The following GPHN variants were observed in gnomAD, a reference collection of about 807,000 sequenced individuals.
The protein encoded by GPHN is gephyrin.
GPHN carries 17 observed loss-of-function variants against 95.5 expected under a neutral mutation model. The observed-to-expected ratio is 0.18, with a 90% confidence interval of 0.12 to 0.27. The LOEUF is 0.27. Among genes scored for constraint, GPHN ranks in the 10% least tolerant of loss-of-function variants. The probability of loss-of-function intolerance (pLI) is 1.00; values close to 1 mark genes in which losing one functional copy is unlikely to be tolerated. For synonymous variants in GPHN, 320 were observed against 322.5 expected, an observed-to-expected ratio of 0.99 and a Z score of 0.08; for missense variants, 660 against 978.1, an observed-to-expected ratio of 0.67 and a Z score of 4.34.
chr14:66,963,420 G>A (rs2069096374), intron 8 of GPHN, among the ~76,000 whole-genome samples: 1 of 151,968 alleles, frequency 6.6e-6, no homozygotes, highest in Non-Finnish European at 1.5e-5. Context: ...TAAAATAGTA[G>A]CAAAACAGTT....
At chr14:67,436,692 C>T in the GPHN span, among the ~76,000 whole-genome samples, 2 of 152,210 alleles carry the variant, frequency 1.3e-5, no homozygotes, top group Admixed American at 6.5e-5. Context: ...GCCCAGAGAG[C>T]AGGTTCCCAG....
chr14:67,405,882 G>A, the GPHN span, among the ~76,000 whole-genome samples: 7 of 152,296 alleles, frequency 4.6e-5, no homozygotes, highest in African/African-American at 1.4e-4. Context: ...GCAGCCTCAC[G>A]AGAGACCCTG....
chr14:67,559,986 A>G, the GPHN span, among the ~76,000 whole-genome samples: 4 of 152,162 alleles, frequency 2.6e-5, no homozygotes, highest in Non-Finnish European at 5.9e-5. Flanking sequence ...AAGCCCACAC[A>G]GGCCAGTGTC....
At chr14:67,513,136 T>A in the GPHN span, among the ~76,000 whole-genome samples, 1 of 152,186 alleles carries the variant, frequency 6.6e-6, no homozygotes, top group South Asian at 2.1e-4. Flanking sequence ...CAATTTCCCA[T>A]CTTAAGGTCA....
chr14:66,758,728 C>G (rs1388757182), intron 2 of GPHN, among the ~76,000 whole-genome samples: 2 of 152,158 alleles, frequency 1.3e-5, no homozygotes, highest in South Asian at 4.1e-4. Context: ...CCAAAGAAAC[C>G]TCCGGGTTAT....
At chr14:67,332,084 C>A in the GPHN span, among the ~76,000 whole-genome samples, 1 of 152,168 alleles carries the variant, frequency 6.6e-6, no homozygotes, top group Non-Finnish European at 1.5e-5. Context: ...ACTTTTATAT[C>A]TGAGACATTT....
the GPHN span, among the ~76,000 whole-genome samples, chr14:67,720,344 C>G: frequency 6.6e-6 from 1 of 152,062 alleles, no homozygotes; most frequent in Non-Finnish European, 1.5e-5. Context: ...TTTATCTTGC[C>G]TTGTGTATGA....
intron 2 of GPHN, among the ~76,000 whole-genome samples, chr14:66,727,796 G>A (rs546259237): frequency 8.5e-5 from 13 of 152,278 alleles, no homozygotes; most frequent in Admixed American, 7.8e-4. Flanking sequence ...CTGACAATGC[G>A]ATAGAAAAGA....
chr14:67,233,293 C>T, the GPHN span, among the ~76,000 whole-genome samples: 2 of 152,116 alleles, frequency 1.3e-5, no homozygotes, highest in African/African-American at 4.8e-5. Context: ...AGGCATGTGC[C>T]ACCACGCCCG....
chr14:66,730,861 C>G (rs547583716), intron 2 of GPHN, among the ~76,000 whole-genome samples: 8 of 152,074 alleles, frequency 5.3e-5, no homozygotes, highest in Non-Finnish European at 1.2e-4. Flanking sequence ...GGCTCTGTGC[C>G]CCTACCTAAA....
the GPHN span, chr14:67,581,991 A>C: frequency 3.1e-5 from 44 of 1,398,758 alleles, no homozygotes; most frequent in Non-Finnish European, 4.3e-5. Context: ...TTGGAAATAA[A>C]GGTAACAGAC....
the GPHN span, among the ~76,000 whole-genome samples, chr14:67,356,983 T>C: frequency 2.0e-5 from 3 of 152,204 alleles, no homozygotes; most frequent in Non-Finnish European, 4.4e-5. Context: ...TAAAATTGAA[T>C]TTACCATGTT....
intron 1 of GPHN, among the ~76,000 whole-genome samples, chr14:66,586,779 A>G (rs564660300): frequency 4.6e-5 from 7 of 152,300 alleles, no homozygotes; most frequent in Admixed American, 2.6e-4. Context: ...GTTTATAGCA[A>G]TAAACACACA....
chr14:67,729,946 C>G, the GPHN span: 2 of 393,350 alleles, frequency 5.1e-6, no homozygotes, highest in Non-Finnish European at 1.0e-5. Context: ...AGAATCCAGC[C>G]CTGTCTGCTC....
chr14:67,008,818 A>ATTAC (rs2072786092), intron 9 of GPHN, among the ~76,000 whole-genome samples: 1 of 152,142 alleles, frequency 6.6e-6, no homozygotes, highest in African/African-American at 2.4e-5. Context: ...AAGTGCTGGG[A>ATTAC]TTACAGGTGT....
the GPHN span, among the ~76,000 whole-genome samples, chr14:67,295,899 T>C: frequency 6.6e-6 from 1 of 152,096 alleles, no homozygotes; most frequent in African/African-American, 2.4e-5. Flanking sequence ...ACAGAAAAGC[T>C]TAAAAACAGA....
the GPHN span, chr14:67,388,352 A>C: frequency 1.8e-6 from 2 of 1,132,510 alleles, no homozygotes; most frequent in Non-Finnish European, 2.7e-6. Flanking sequence ...AACAAAAGGG[A>C]AGAGTTGCAC....
At chr14:66,886,371 T>C (rs941335730) in intron 5 of GPHN, among the ~76,000 whole-genome samples, 2 of 152,128 alleles carry the variant, frequency 1.3e-5, no homozygotes, top group African/African-American at 4.8e-5. Context: ...CAGTCCAGAC[T>C]AGAAAATACT....
chr14:66,754,761 C>T (rs1242935262), intron 2 of GPHN, among the ~76,000 whole-genome samples: 1 of 151,916 alleles, frequency 6.6e-6, no homozygotes, highest in African/African-American at 2.4e-5. Context: ...AGCCTTTTGA[C>T]TTTTATAGAC....
Sources: gnomAD v4.1 joint callset for allele counts (sites outside exome capture counted in the v4.1 genomes callset) on GRCh38, gnomAD v4.1.1 for gene constraint, MANE v1.5 for transcripts, NCBI Gene and HGNC (gene_info 2026-07-23, HGNC 2026-07-21) for gene names.